The following VAT1L variants were observed in gnomAD, a reference collection of about 807,000 sequenced individuals.
VAT1L encodes the protein vesicle amine transport 1 like.
Under a neutral mutation model 44.1 loss-of-function variants are expected in VAT1L, and 34 were observed. The ratio of observed to expected loss-of-function variants is 0.77; its 90% confidence interval spans 0.59 to 1.03. The LOEUF is 1.03. Among genes scored for constraint, VAT1L ranks in the 50% least tolerant of loss-of-function variants. The probability of loss-of-function intolerance (pLI) is 0.00; values close to 1 mark genes in which losing one functional copy is unlikely to be tolerated. For missense variants in VAT1L, 615 were observed against 538.8 expected, an observed-to-expected ratio of 1.14 and a Z score of -1.40; for synonymous variants, 253 against 202.2, an observed-to-expected ratio of 1.25 and a Z score of -2.13.
chr16:77,940,883 A>G (rs781333537), intron 7 of VAT1L, among the ~76,000 whole-genome samples: 8 of 152,256 alleles, frequency 5.3e-5, no homozygotes, highest in Admixed American at 2.6e-4. Context: ...CTTCCCAATT[A>G]TATTAAGATT....
chr16:77,868,956 G>C (rs1298092413), intron 4 of VAT1L, among the ~76,000 whole-genome samples: 1 of 152,136 alleles, frequency 6.6e-6, no homozygotes, highest in Admixed American at 6.5e-5. Flanking sequence ...AGATTGATGA[G>C]ACTCTTGAAA....
chr16:77,900,463 G>A (rs1212382887), intron 7 of VAT1L, among the ~76,000 whole-genome samples: 2 of 152,026 alleles, frequency 1.3e-5, no homozygotes, highest in Admixed American at 6.6e-5. Context: ...GGAGGACAAG[G>A]CGGGGGGGAT....
chr16:77,788,754 G>C lies in VAT1L; in HGVS notation c.72G>C (p.Pro24=). 6.4e-7 allele frequency: 1 copy of C among 1,561,272 alleles called. No homozygotes were observed. Among genetic ancestry groups the C allele is most frequent in the Non-Finnish European group, 8.7e-7 (1 of 1,152,508 alleles). Residue 24 remains proline (P), a synonymous_variant, in exon 1 of 9, where the codon CCG becomes CCC. Transcript: ENST00000302536. ...QMIEKEAGKE[P]AEGGGGDGSH... ...TCGAGAAGGAGGCAGGCAAGGAGCCGGCGGAGGGCGGCGGCGGCGACGGCT... is the reference window on the plus strand; with the variant it reads ...TCGAGAAGGAGGCAGGCAAGGAGCCCGCGGAGGGCGGCGGCGGCGACGGCT...
intron 4 of VAT1L, among the ~76,000 whole-genome samples, chr16:77,872,557 C>T (rs2017043769): frequency 6.6e-6 from 1 of 152,248 alleles, no homozygotes; most frequent in South Asian, 2.1e-4. Context: ...CTCCCACCTG[C>T]CTCTCCAGCC....
At chr16:77,896,640 T>TG (rs1182684651) in intron 7 of VAT1L, among the ~76,000 whole-genome samples, 1 of 152,222 alleles carries the variant, frequency 6.6e-6, no homozygotes, top group Non-Finnish European at 1.5e-5. Flanking sequence ...GAAAGATTTC[T>TG]GGGGCCTCAG....
In VAT1L at chr16:77,866,531, C is replaced by T. The variant is rs565682205; in HGVS notation, c.722+3641C>T. Among the ~76,000 whole-genome samples the T allele has an allele frequency of 5.4e-5, 8 of 149,316 alleles. No homozygotes were observed. In the South Asian group the frequency reaches 8.4e-4, roughly 16 times the overall value. On this transcript the variant is annotated intron_variant, in intron 4 of 8. Coordinates refer to ENST00000302536, the MANE Select transcript of VAT1L (RefSeq NM_020927.3). Reference sequence around the variant, plus strand: ...GGGAAAATATCCAACTGCCAACATGCGATAGGAGTGGAATGCAGAGTGATT... The same window carrying T: ...GGGAAAATATCCAACTGCCAACATGTGATAGGAGTGGAATGCAGAGTGATT...
intron 3 of VAT1L, among the ~76,000 whole-genome samples, chr16:77,838,732 T>TAGAA: frequency 6.6e-6 from 1 of 151,958 alleles, no homozygotes; most frequent in East Asian, 1.9e-4. Flanking sequence ...TCACTCTTTT[T>TAGAA]CTGTCTCCCT....
Position 77,884,568 on chromosome 16 carries a change from G to A in VAT1L, c.883-40G>A. Reference sequence around the variant, plus strand: ...TGCTGCCAATGTAGGCTTAACCCCGGTATTGAGTTCCTATAACCCAATACC... The same window carrying A: ...TGCTGCCAATGTAGGCTTAACCCCGATATTGAGTTCCTATAACCCAATACC... On this transcript the variant is annotated intron_variant, in intron 6 of 8. Transcript: ENST00000302536. This position sits in a 1 kb window ranked among gnomAD's most constrained non-coding sequence, Gnocchi z 4.5. 1 of 1,590,716 alleles carries A rather than the reference G, an allele frequency of 6.3e-7. No homozygotes were observed. The highest frequency in any genetic ancestry group is 8.6e-7 in the Non-Finnish European group (1 of 1,167,696).
At chr16:77,915,591 A>G (rs1488304180) in intron 7 of VAT1L, among the ~76,000 whole-genome samples, 6 of 152,164 alleles carry the variant, frequency 3.9e-5, no homozygotes, top group African/African-American at 1.4e-4. Context: ...ACTTGAGCAA[A>G]ACCTTGAAGG....
chr16:77,821,020 G>A (rs1274556481), intron 2 of VAT1L, among the ~76,000 whole-genome samples: 1 of 152,086 alleles, frequency 6.6e-6, no homozygotes, highest in Non-Finnish European at 1.5e-5. Flanking sequence ...GCTTCTCCAG[G>A]ACTGAATTTC....
intron 7 of VAT1L, among the ~76,000 whole-genome samples, chr16:77,899,452 T>C (rs2017358411): frequency 6.6e-6 from 1 of 152,236 alleles, no homozygotes; most frequent in East Asian, 1.9e-4. Context: ...CCTTTCTGCA[T>C]CTGTAACCCT....
At chr16:77,845,422 G>C (rs570897042) in intron 3 of VAT1L, among the ~76,000 whole-genome samples, 25 of 152,250 alleles carry the variant, frequency 1.6e-4, no homozygotes, top group African/African-American at 5.3e-4. Flanking sequence ...CACTAGAATA[G>C]AGCTTTGTTG....
intron 7 of VAT1L, among the ~76,000 whole-genome samples, chr16:77,886,820 T>C (rs1490639269): frequency 6.6e-6 from 1 of 152,226 alleles, no homozygotes; most frequent in African/African-American, 2.4e-5. Flanking sequence ...GTTGCTTAAC[T>C]TATTTTTCAT....
intron 6 of VAT1L, among the ~76,000 whole-genome samples, chr16:77,880,201 G>T (rs1011201457): frequency 6.6e-6 from 1 of 152,122 alleles, no homozygotes; most frequent in Non-Finnish European, 1.5e-5. Context: ...CTGTCACCCA[G>T]GTTGGAGTGC....
intron 7 of VAT1L, among the ~76,000 whole-genome samples, chr16:77,890,012 G>A (rs573589676): frequency 3.3e-5 from 5 of 152,222 alleles, no homozygotes; most frequent in Admixed American, 6.5e-5. Flanking sequence ...GCTTGAACCC[G>A]GGAGGTGGAG....
intron 7 of VAT1L, among the ~76,000 whole-genome samples, chr16:77,921,521 C>T (rs865907555): frequency 5.9e-5 from 9 of 152,242 alleles, no homozygotes; most frequent in African/African-American, 1.7e-4. Context: ...AGTTACATTC[C>T]TATTTTTGCA....
chr16:77,912,837 G>C (rs2017512912), intron 7 of VAT1L, among the ~76,000 whole-genome samples: 1 of 152,150 alleles, frequency 6.6e-6, no homozygotes, highest in African/African-American at 2.4e-5. Context: ...TTTGTGCTTG[G>C]TGAGGGCTCT....
chr16:77,912,687 C>T (rs186302990), intron 7 of VAT1L, among the ~76,000 whole-genome samples: 138 of 152,320 alleles, frequency 9.1e-4, no homozygotes, highest in African/African-American at 3.1e-3. Flanking sequence ...TATCTCTTGA[C>T]CTCACCCCAC....
At chr16:77,907,358 C>T (rs1265282616) in intron 7 of VAT1L, among the ~76,000 whole-genome samples, 1 of 152,170 alleles carries the variant, frequency 6.6e-6, no homozygotes, top group Non-Finnish European at 1.5e-5. Flanking sequence ...GAAACCCTGG[C>T]TATGTCTGTG....
Sources: gnomAD v4.1 joint callset for allele counts (sites outside exome capture counted in the v4.1 genomes callset) on GRCh38, gnomAD v4.1.1 for gene constraint, Gnocchi (gnomAD v3.1) non-coding constraint, MANE v1.5 for transcripts, NCBI Gene and HGNC (gene_info 2026-07-23, HGNC 2026-07-21) for gene names.